ARHGEF10: variants seen among roughly 807,000 people sequenced by gnomAD.
ARHGEF10 encodes Rho guanine nucleotide exchange factor 10, also known as Rho guanine nucleotide exchange factor (GEF) 10.
ARHGEF10 carries 140 observed loss-of-function variants against 147.4 expected under a neutral mutation model. The ratio of observed to expected loss-of-function variants is 0.95; its 90% CI spans 0.83 to 1.09. The LOEUF is 1.09. Ranked by LOEUF, ARHGEF10 falls within the 50% of genes least tolerant of loss-of-function variation. ARHGEF10 has a pLI of 0.00. For synonymous variants in ARHGEF10, 902 were observed against 695.8 expected (o/e 1.30, Z -4.67); for missense variants, 2,222 against 1,752.7 (o/e 1.27, Z -4.78).
In ARHGEF10 at chr8:1,923,197, A is replaced by G. The variant is rs904639004; in HGVS notation, c.2259+118A>G. 4.9e-5 allele frequency: 45 copies of G among 921,992 alleles called. No individual in the cohort carries two copies. In the East Asian group the frequency reaches 1.1e-3, roughly 23 times the overall value. The allele number at this position is 921,992 out of a possible 1,614,324, so 57.1% of individuals were successfully genotyped here. On this transcript the variant is annotated intron_variant, in intron 19 of 28. Coordinates refer to ENST00000349830, the MANE Select transcript of ARHGEF10 (RefSeq NM_014629.4). ...GAATTCATTTTGACTTTAAAAATTA[A>G]TCTGAATGTACATTTTCTCTTACGT...
chr8:1,941,414 T>A (rs1814079811), intron 26 of ARHGEF10, among the ~76,000 whole-genome samples: 1 of 152,166 alleles, frequency 6.6e-6, no homozygotes, highest in South Asian at 2.1e-4. Flanking sequence ...AGTGCAAGAT[T>A]TATACTCTAA....
chr8:1,854,515 C>A (rs1205087836), intron 2 of ARHGEF10, among the ~76,000 whole-genome samples: 1 of 152,188 alleles, frequency 6.6e-6, no homozygotes, highest in Non-Finnish European at 1.5e-5. Context: ...TCTTTCCCTG[C>A]AGTGTTTGCA....
intron 26 of ARHGEF10, among the ~76,000 whole-genome samples, chr8:1,939,790 C>T (rs916298129): frequency 6.6e-6 from 1 of 152,216 alleles, no homozygotes; most frequent in Non-Finnish European, 1.5e-5. Context: ...AGCTTAGGTC[C>T]TGTCACTGGC....
In ARHGEF10 at chr8:1,824,093, G is replaced by C. The variant is rs1585181255; in HGVS notation, c.-68G>C. On this transcript the variant is annotated 5_prime_UTR_variant, in exon 1 of 29. Coordinates refer to ENST00000349830, the MANE Select transcript of ARHGEF10 (RefSeq NM_014629.4). The stretch of plus-strand genomic sequence containing the variant: ...CGGCGGGGAACAGCAGGGGACTGCG[G>C]GTCGCGTCCTGGCCGCCGAGGTGAG... 1.3e-5 allele frequency: 2 copies of C among 152,074 alleles called. No homozygotes were observed. The highest frequency in any genetic ancestry group is 4.8e-5 in the African/African-American group (2 of 41,378). 9.4% of individuals were successfully genotyped at this position (152,074 alleles called of 1,614,324 possible).
At chr8:1,851,209 G>A (rs370670449) in intron 2 of ARHGEF10, among the ~76,000 whole-genome samples, 1 of 120,298 alleles carries the variant, frequency 8.3e-6, no homozygotes, top group South Asian at 2.7e-4. Flanking sequence ...ATCATTACAC[G>A]CCTGTCCAAA....
At position 1,836,991 on chromosome 8, in the gene ARHGEF10, A is replaced by G. The variant is rs544748694; in HGVS notation, c.-47-6362A>G. Among the ~76,000 whole-genome samples, 4 of 152,350 alleles carry G rather than the reference A, an allele frequency of 2.6e-5. No individual in the cohort carries two copies. The East Asian group carries it at 5.8e-4, about 22-fold the overall frequency. ...GAGGCCTCCCCAGCCATGTGGAACT[A>G]TAAGTCCAATTAAAGCTCTTTTTGT... On this transcript the variant is annotated intron_variant, in intron 1 of 28. Coordinates refer to ENST00000349830, the MANE Select transcript of ARHGEF10 (RefSeq NM_014629.4).
intron 18 of ARHGEF10, among the ~76,000 whole-genome samples, chr8:1,912,043 G>A (rs1006118289): frequency 2.6e-5 from 4 of 152,206 alleles, no homozygotes; most frequent in African/African-American, 9.6e-5. Flanking sequence ...ATGTTGGTGT[G>A]TTACTTGATA....
chr8:1,882,649 G>C lies in ARHGEF10; in HGVS notation c.975G>C (p.Val325=). The C allele has an allele frequency of 1.3e-6, 2 of 1,554,038 alleles. No individual in the cohort carries two copies. Among genetic ancestry groups the C allele is most frequent in the Non-Finnish European group, 8.7e-7 (1 of 1,148,208 alleles). The change falls in exon 10 of 29, where the codon GTG becomes GTC. Residue 325 remains valine (V), a synonymous_variant. Transcript: ENST00000349830. ...QKHELKMQKL[V]KAAKDGTKDG... ...CTCCGTCGCAGATGCAGAAGCTCGTGAAGGCCGCGAAGGACGGCACCAAGG... is the reference window on the plus strand; with the variant it reads ...CTCCGTCGCAGATGCAGAAGCTCGTCAAGGCCGCGAAGGACGGCACCAAGG...
chr8:1,951,786 C>T (rs185242172), intron 27 of ARHGEF10, among the ~76,000 whole-genome samples: 18 of 152,302 alleles, frequency 1.2e-4, no homozygotes, highest in East Asian at 1.9e-4. Context: ...GCGATGCTGA[C>T]GATTGTGTCA....
At chr8:1,870,532 A>C (rs1807025112) in intron 7 of ARHGEF10, 1 of 152,200 alleles carries the variant, frequency 6.6e-6, no homozygotes, top group Non-Finnish European at 1.5e-5. Context: ...GAGATACATA[A>C]GAGTACAGAA....
At chr8:1,833,487 A>G (rs62477477) in intron 1 of ARHGEF10, among the ~76,000 whole-genome samples, 67,366 of 151,438 alleles carry the variant, frequency 0.44, 15,310 homozygotes, top group Middle Eastern at 0.55. Context: ...GGGGCAGGCT[A>G]CAGCCCGGGG....
At chr8:1,927,972 TACC>T in intron 23 of ARHGEF10, among the ~76,000 whole-genome samples, 1 of 152,274 alleles carries the variant, frequency 6.6e-6, no homozygotes, top group Admixed American at 6.5e-5. Context: ...TTCCACAGCA[TACC>T]ACATGTTGAC....
intron 12 of ARHGEF10, 121 bp from the exon 13 acceptor site, chr8:1,894,272 C>T (rs528023568): frequency 3.0e-6 from 3 of 1,004,800 alleles, no homozygotes; most frequent in African/African-American, 3.2e-5. Flanking sequence ...ATGGCTTGAG[C>T]CCAGGAGTTT....
Position 1,876,728 on chromosome 8 carries a change from A to G in ARHGEF10, c.837A>G (p.Lys279=). 6.2e-7 allele frequency: 1 copy of G among 1,614,150 alleles called. No homozygotes were observed. The highest frequency in any genetic ancestry group is 8.5e-7 in the Non-Finnish European group (1 of 1,180,020). The change falls in exon 8 of 29, where the codon AAA becomes AAG. Residue 279 remains lysine (K), a synonymous_variant. Transcript: ENST00000349830. ...GGTCCTTCCTGCGCAGCAACCACAA[A>G]AAGCAAGTACGTGTTCCCTGCACAT... ...IPRSFLRSNH[K]KQLSHDLTRL...
At chr8:1,894,310 A>G in intron 12 of ARHGEF10, 83 bp from the exon 13 acceptor site, 2 of 1,461,328 alleles carry the variant, frequency 1.4e-6, no homozygotes, top group South Asian at 1.2e-5. Context: ...TGATCGCACC[A>G]CTGCGCTGCA....
intron 2 of ARHGEF10, among the ~76,000 whole-genome samples, chr8:1,852,098 T>C (rs1193647267): frequency 6.6e-6 from 1 of 152,066 alleles, no homozygotes; most frequent in Non-Finnish European, 1.5e-5. Flanking sequence ...TCTACAAAAC[T>C]TAGAATTGAT....
chr8:1,872,120 C>T (rs990217234), intron 7 of ARHGEF10, among the ~76,000 whole-genome samples: 4 of 151,910 alleles, frequency 2.6e-5, no homozygotes, highest in Admixed American at 6.6e-5. Flanking sequence ...GATGTAACTG[C>T]AGTAGAAATT....
rs77811241 is a variant in ARHGEF10, at chr8:1,918,761, C to T, written c.2144-4203C>T. Reference sequence around the variant, plus strand: ...TCCTCCCAATGAACTGAAATCTGTGCACCTGTGAATCCCTGTGACCTATCC... The same window carrying T: ...TCCTCCCAATGAACTGAAATCTGTGTACCTGTGAATCCCTGTGACCTATCC... On this transcript the variant is annotated intron_variant, in intron 18 of 28. Coordinates refer to ENST00000349830, the MANE Select transcript of ARHGEF10 (RefSeq NM_014629.4). Among the ~76,000 whole-genome samples the T allele has an allele frequency of 5.4e-3, 825 of 152,312 alleles. 6 individuals carry two copies. Among genetic ancestry groups the T allele is most frequent in the African/African-American group, 0.019 (769 of 41,548 alleles).
intron 28 of ARHGEF10, among the ~76,000 whole-genome samples, chr8:1,955,943 T>A: frequency 6.6e-6 from 1 of 152,354 alleles, no homozygotes; most frequent in South Asian, 2.1e-4. Context: ...GCCACTCTCC[T>A]CTTTGGGAAA....
Sources: allele counts gnomAD v4.1 joint callset (sites outside exome capture counted in the v4.1 genomes callset), GRCh38; gene constraint gnomAD v4.1.1; transcripts MANE v1.5; gene names NCBI Gene and HGNC (gene_info 2026-07-23, HGNC 2026-07-21).